The following ZNF793 variants were observed in gnomAD, a reference collection of about 807,000 sequenced individuals.
ZNF793 encodes zinc finger protein 793.
ZNF793 carries 5 observed loss-of-function variants against 12.4 expected under a neutral mutation model. The ratio of observed to expected loss-of-function variants is 0.40; its 90% CI spans 0.21 to 0.84. The LOEUF is 0.84. Ranked by LOEUF, ZNF793 falls within the 40% of genes least tolerant of loss-of-function variation. ZNF793 has a pLI of 0.35. For missense variants in ZNF793, 456 were observed against 495.0 expected (o/e 0.92, Z 0.75); for synonymous variants, 162 against 172.4 (o/e 0.94, Z 0.47).
intron 6 of ZNF793, among the ~76,000 whole-genome samples, chr19:37,532,845 C>T (rs988666794): frequency 6.6e-6 from 1 of 152,012 alleles, no homozygotes; most frequent in East Asian, 1.9e-4. Context: ...AAAAAAGCAA[C>T]GGAAGTACTC....
chr19:37,532,767 C>T (rs1247323088), intron 6 of ZNF793, among the ~76,000 whole-genome samples: 4 of 151,632 alleles, frequency 2.6e-5, no homozygotes, highest in East Asian at 1.9e-4. Context: ...TTCAGTGAGC[C>T]GATATTGCAC....
At position 37,542,525 on chromosome 19, in the gene ZNF793, AAATTGTTCTT is replaced by A; in HGVS notation, c.*4650_*4659del. On this transcript the variant is annotated 3_prime_UTR_variant, in exon 8 of 8. Transcript: ENST00000627814. ...ATGTGAACATGGACATTTATTGTAAAAATTGTTCTTAATGGCAAAAAAACCCCCAAAACCA... is the reference window on the plus strand; with the variant it reads ...ATGTGAACATGGACATTTATTGTAAAAATGGCAAAAAAACCCCCAAAACCA... 2.8e-6 allele frequency: 1 copy of A among 355,564 alleles called. No individual in the cohort carries two copies. Among genetic ancestry groups the A allele is most frequent in the Non-Finnish European group, 5.7e-6 (1 of 176,604 alleles). 22.0% of individuals were successfully genotyped at this position (355,564 alleles called of 1,614,324 possible).
rs2042558720 is a variant in ZNF793, at chr19:37,542,543, A to G, written c.*4664A>G. On this transcript the variant is annotated 3_prime_UTR_variant, in exon 8 of 8. Coordinates refer to ENST00000627814, the MANE Select transcript of ZNF793 (RefSeq NM_001013659.3). ...ATTGTAAAAATTGTTCTTAATGGCA[A>G]AAAAACCCCCAAAACCAAAGCAAAC... 1 of 349,412 alleles carries G rather than the reference A, an allele frequency of 2.9e-6. No individual in the cohort carries two copies. The highest frequency in any genetic ancestry group is 5.7e-6 in the Non-Finnish European group (1 of 174,534). The allele number at this position is 349,412 out of a possible 1,614,324, so 21.6% of individuals were successfully genotyped here.
chr19:37,533,470 A>G, intron 7 of ZNF793, 67 bp downstream of exon 7: 1 of 1,424,112 alleles, frequency 7.0e-7, no homozygotes, highest in Admixed American at 1.7e-5. Context: ...TTTGTTCAGC[A>G]TTCTTCTCTT....
intron 2 of ZNF793, among the ~76,000 whole-genome samples, chr19:37,512,061 C>G (rs1367111708): frequency 1.3e-5 from 2 of 152,100 alleles, no homozygotes; most frequent in African/African-American, 4.8e-5. Context: ...CTGGTAGATT[C>G]ACTCCCAGGC....
At chr19:37,523,600 C>T in intron 5 of ZNF793, 146 bp downstream of exon 5, 1 of 742,938 alleles carries the variant, frequency 1.3e-6, no homozygotes, top group South Asian at 1.7e-5. Flanking sequence ...ATTTTTCTCA[C>T]AGGAGGTTGA....
intron 2 of ZNF793, among the ~76,000 whole-genome samples, chr19:37,510,213 A>C (rs922575161): frequency 6.6e-6 from 1 of 151,930 alleles, no homozygotes; most frequent in African/African-American, 2.4e-5. Context: ...ATTTAAAAAT[A>C]AGCTGGGTAG....
chr19:37,514,277 T>A (rs1172336635), intron 2 of ZNF793, among the ~76,000 whole-genome samples: 2 of 152,166 alleles, frequency 1.3e-5, no homozygotes, highest in African/African-American at 4.8e-5. Flanking sequence ...ATCTCAACTA[T>A]CAGGTTAGAT....
intron 2 of ZNF793, among the ~76,000 whole-genome samples, chr19:37,510,771 A>G (rs1362078081): frequency 6.7e-6 from 1 of 150,268 alleles, no homozygotes; most frequent in Non-Finnish European, 1.5e-5. Context: ...ATCTCGGCTT[A>G]CTGCAACCCC....
chr19:37,523,386 C>T, intron 4 of ZNF793, 24 bp from the exon 5 acceptor site: 1 of 1,590,060 alleles, frequency 6.3e-7, no homozygotes, highest in African/African-American at 1.3e-5. Context: ...CTTTCTCCAT[C>T]TTCTTCCCCC....
chr19:37,536,190 C>T (rs2042503348), intron 7 of ZNF793: 2 of 354,668 alleles, frequency 5.6e-6, no homozygotes, highest in Admixed American at 4.7e-5. Context: ...TAATCTGTTT[C>T]ACCTTAGAGT....
At chr19:37,508,604 G>T (rs1034219420) in intron 2 of ZNF793, among the ~76,000 whole-genome samples, 2 of 152,150 alleles carry the variant, frequency 1.3e-5, no homozygotes, top group Non-Finnish European at 2.9e-5. Flanking sequence ...TACTCTGGAG[G>T]CTGAGGCAGG....
chr19:37,523,872 G>A (rs2042393201), intron 5 of ZNF793, among the ~76,000 whole-genome samples: 1 of 152,104 alleles, frequency 6.6e-6, no homozygotes, highest in Non-Finnish European at 1.5e-5. Context: ...TAAGCCGGCC[G>A]CTAGGGGTAG....
At chr19:37,527,739 GGTTTTCT>G (rs2042427252) in intron 5 of ZNF793, among the ~76,000 whole-genome samples, 1 of 152,044 alleles carries the variant, frequency 6.6e-6, no homozygotes, top group Admixed American at 6.6e-5. Flanking sequence ...AACACTTTTG[GGTTTTCT>G]AATTTACTAG....
At chr19:37,521,490 C>T (rs2042375956) in intron 3 of ZNF793, among the ~76,000 whole-genome samples, 1 of 137,656 alleles carries the variant, frequency 7.3e-6, no homozygotes, top group Non-Finnish European at 1.5e-5. Flanking sequence ...GGCTGGAGTG[C>T]AATGGCGCGA....
At chr19:37,534,911 T>C (rs1299571184) in intron 7 of ZNF793, 2 of 152,432 alleles carry the variant, frequency 1.3e-5, no homozygotes, top group Non-Finnish European at 2.9e-5. Flanking sequence ...CTCAAACTCC[T>C]GGGCTCAAGC....
intron 2 of ZNF793, among the ~76,000 whole-genome samples, chr19:37,514,965 G>A (rs2042320004): frequency 6.6e-6 from 1 of 152,156 alleles, no homozygotes; most frequent in Admixed American, 6.6e-5. Context: ...TAATGAAATA[G>A]AACAATTTGG....
In ZNF793 at chr19:37,508,383, G is replaced by T. The variant is rs1203542836; in HGVS notation, c.-296G>T. 1 of 152,096 alleles carries T rather than the reference G, an allele frequency of 6.6e-6. No homozygotes were observed. Among genetic ancestry groups the T allele is most frequent in the Admixed American group, 6.6e-5 (1 of 15,258 alleles). 9.4% of individuals were successfully genotyped at this position (152,096 alleles called of 1,614,324 possible). On this transcript the variant is annotated 5_prime_UTR_variant, in exon 2 of 8. Coordinates refer to ENST00000627814, the MANE Select transcript of ZNF793 (RefSeq NM_001013659.3). ...GGGGATGGATGTGACCTTGCCCGTG[G>T]TTAGAAAACAAATTTACTGAGTAAG...
intron 5 of ZNF793, among the ~76,000 whole-genome samples, chr19:37,525,138 CTCTT>C (rs2042403666): frequency 6.6e-6 from 1 of 151,438 alleles, no homozygotes; most frequent in South Asian, 2.1e-4. Context: ...TCTGTTTTCT[CTCTT>C]TTTTTTTTTT....
Sources: allele counts gnomAD v4.1 joint callset (sites outside exome capture counted in the v4.1 genomes callset), GRCh38; gene constraint gnomAD v4.1.1; transcripts MANE v1.5; gene names NCBI Gene and HGNC (gene_info 2026-07-23, HGNC 2026-07-21).